The following TBC1D5 variants were observed in gnomAD, a reference collection of about 807,000 sequenced individuals.
TBC1D5 encodes TBC1 domain family member 5, also known as TBC1 domain family, member 5.
TBC1D5 carries 75 observed loss-of-function variants against 100.3 expected under a neutral mutation model. That is an observed-to-expected ratio of 0.75 (90% confidence interval 0.62 to 0.91). TBC1D5 has a LOEUF of 0.91. Ranked by LOEUF, TBC1D5 falls within the 40% of genes least tolerant of loss-of-function variation. The pLI is 0.00. For missense variants in TBC1D5, 910 were observed against 942.4 expected, an observed-to-expected ratio of 0.97 and a Z score of 0.45; for synonymous variants, 323 against 325.6, an observed-to-expected ratio of 0.99 and a Z score of 0.09.
At chr3:17,365,821 C>A (rs73145896) in intron 13 of TBC1D5, among the ~76,000 whole-genome samples, 2 of 152,078 alleles carry the variant, frequency 1.3e-5, no homozygotes, top group Non-Finnish European at 2.9e-5. Context: ...AGCTTTCTAC[C>A]ACACTTATAG....
chr3:17,679,908 TC>T (rs1160362109), intron 1 of TBC1D5, among the ~76,000 whole-genome samples: 3 of 151,420 alleles, frequency 2.0e-5, no homozygotes, highest in Admixed American at 6.6e-5. Flanking sequence ...GCATATCTGG[TC>T]CCCATCCATT....
Position 17,557,772 on chromosome 3 carries a change from T to C in TBC1D5, c.-35-49167A>G, listed in dbSNP as rs539507919. Among the ~76,000 whole-genome samples, 11 of 152,286 alleles carry C rather than the reference T, an allele frequency of 7.2e-5. No homozygotes were observed. In the East Asian group the frequency reaches 2.1e-3, roughly 29 times the overall value. On this transcript the variant is annotated intron_variant, in intron 2 of 21. Coordinates refer to ENST00000253692, the Ensembl canonical transcript of TBC1D5. ...CAGCCATAGGTAAATTTTTTTTAAA[T>C]GTTAAAAATTAACATTTTAAAATTT...
intron 1 of TBC1D5, among the ~76,000 whole-genome samples, chr3:17,730,907 T>C (rs1192181787): frequency 6.6e-6 from 1 of 152,158 alleles, no homozygotes; most frequent in African/African-American, 2.4e-5. Context: ...AAGGTAATTA[T>C]AATTCACAAT....
intron 3 of TBC1D5, among the ~76,000 whole-genome samples, chr3:17,451,107 A>C (rs2094915603): frequency 6.6e-6 from 1 of 152,248 alleles, no homozygotes; most frequent in South Asian, 2.1e-4. Context: ...TTTTCAACCC[A>C]AAATTTCATC....
intron 1 of TBC1D5, among the ~76,000 whole-genome samples, chr3:17,647,605 G>A (rs1430846435): frequency 6.6e-6 from 1 of 152,138 alleles, no homozygotes. Context: ...GAGCAGACTT[G>A]CAGTACTGAA....
At chr3:17,300,903 C>G (rs1425248468) in intron 14 of TBC1D5, among the ~76,000 whole-genome samples, 1 of 151,884 alleles carries the variant, frequency 6.6e-6, no homozygotes, top group Non-Finnish European at 1.5e-5. Context: ...GAAACCCCGT[C>G]TCTACTAAAC....
chr3:17,583,971 T>C (rs2096717065), intron 2 of TBC1D5, among the ~76,000 whole-genome samples: 1 of 152,138 alleles, frequency 6.6e-6, no homozygotes, highest in Non-Finnish European at 1.5e-5. Flanking sequence ...TATGAACGAA[T>C]AAATGGATAA....
chr3:17,245,022 CAAA>C (rs34531807), intron 16 of TBC1D5, among the ~76,000 whole-genome samples: 1 of 35,362 alleles, frequency 2.8e-5, no homozygotes, highest in Non-Finnish European at 5.7e-5. Flanking sequence ...CCTGTCTCTA[CAAA>C]AAAAAAAAAA....
chr3:17,390,988 T>C (rs1220341196), intron 8 of TBC1D5, among the ~76,000 whole-genome samples: 3 of 152,036 alleles, frequency 2.0e-5, no homozygotes, highest in African/African-American at 7.2e-5. Flanking sequence ...ACTTGAGTGC[T>C]AGCCAATGGA....
chr3:17,446,989 A>G (rs1016867376), intron 3 of TBC1D5, among the ~76,000 whole-genome samples: 6 of 151,982 alleles, frequency 3.9e-5, no homozygotes, highest in African/African-American at 1.5e-4. Context: ...AAAAGACCAC[A>G]TTGAAAAGCA....
chr3:17,178,115 G>C (rs1282584913), intron 19 of TBC1D5, among the ~76,000 whole-genome samples: 1 of 143,562 alleles, frequency 7.0e-6, no homozygotes, highest in East Asian at 2.0e-4. Flanking sequence ...GCCCAGGCTG[G>C]AGTGCAGTGG....
In TBC1D5 at chr3:17,238,421, T is replaced by C. The variant is rs764597177; in HGVS notation, c.1332-2A>G. 39 of 1,601,266 alleles carry C rather than the reference T, an allele frequency of 2.4e-5. No individual in the cohort carries two copies. The highest frequency in any genetic ancestry group is 3.3e-5 in the Non-Finnish European group (39 of 1,173,926). ...AGGGGAGCACCTTTGGCATTGGTCCTGTTAAAAAAAGAAATGGAGAAGCAT... is the reference window on the plus strand; with the variant it reads ...AGGGGAGCACCTTTGGCATTGGTCCCGTTAAAAAAAGAAATGGAGAAGCAT... On this transcript the variant is annotated splice_acceptor_variant, in intron 16 of 21. Transcript: ENST00000253692. LOFTEE classifies it high-confidence loss of function.
intron 17 of TBC1D5, among the ~76,000 whole-genome samples, chr3:17,224,350 ACATG>A (rs2074610435): frequency 6.6e-6 from 1 of 152,282 alleles, no homozygotes; most frequent in Non-Finnish European, 1.5e-5. Context: ...TGTGAGCCAC[ACATG>A]CAATTTCTAA....
At chr3:17,393,979 C>G (rs2093429747) in intron 8 of TBC1D5, among the ~76,000 whole-genome samples, 1 of 152,122 alleles carries the variant, frequency 6.6e-6, no homozygotes, top group South Asian at 2.1e-4. Flanking sequence ...CAAATGGGAT[C>G]TAATTAAACT....
intron 1 of TBC1D5, among the ~76,000 whole-genome samples, chr3:17,690,740 T>C (rs1028780097): frequency 1.3e-5 from 2 of 152,204 alleles, no homozygotes; most frequent in African/African-American, 4.8e-5. Context: ...GAGAATCTAA[T>C]GCCTGGTGAT....
At chr3:17,164,105 C>T (rs1202150678) in intron 21 of TBC1D5, among the ~76,000 whole-genome samples, 1 of 152,160 alleles carries the variant, frequency 6.6e-6, no homozygotes, top group African/African-American at 2.4e-5. Context: ...TACAATTTCA[C>T]AAGACTGCTG....
chr3:17,188,621 A>C (rs2069462953), intron 18 of TBC1D5, among the ~76,000 whole-genome samples: 1 of 152,220 alleles, frequency 6.6e-6, no homozygotes, highest in Admixed American at 6.5e-5. Context: ...TATAAATAGA[A>C]ATGGAATCAC....
chr3:17,168,749 T>C (rs547317178), intron 19 of TBC1D5, among the ~76,000 whole-genome samples: 5 of 152,206 alleles, frequency 3.3e-5, no homozygotes, highest in African/African-American at 9.6e-5. Flanking sequence ...ACAGTGAGTA[T>C]GTTCACCCTC....
chr3:17,705,412 G>C (rs1299488137), intron 1 of TBC1D5, among the ~76,000 whole-genome samples: 4 of 144,946 alleles, frequency 2.8e-5, no homozygotes, highest in South Asian at 2.3e-4. Context: ...CTTCCCAGAT[G>C]GGGTGGCTGC....
Sources: allele counts gnomAD v4.1 joint callset (sites outside exome capture counted in the v4.1 genomes callset), GRCh38; gene constraint gnomAD v4.1.1; transcripts MANE v1.5; gene names NCBI Gene and HGNC (gene_info 2026-07-23, HGNC 2026-07-21).